Variants in SOX6 observed in about 807,000 individuals in gnomAD.
SOX6 encodes SRY-box transcription factor 6.
Under a neutral mutation model 97.8 loss-of-function variants are expected in SOX6, and 11 were observed. The ratio of observed to expected loss-of-function variants is 0.11; its 90% CI spans 0.07 to 0.19. The LOEUF is 0.19. Among genes scored for constraint, SOX6 ranks in the 10% least tolerant of loss-of-function variants. SOX6 has a pLI of 1.00. For missense variants in SOX6, 810 were observed against 1,039.5 expected (o/e 0.78, Z 3.04); for synonymous variants, 360 against 371.4 (o/e 0.97, Z 0.35).
In SOX6 at chr11:16,234,365, T is replaced by C. The variant is rs532318559; in HGVS notation, c.535+217A>G. 2.4e-3 allele frequency among the ~76,000 whole-genome samples: 370 copies of C among 152,330 alleles called. 13 individuals carry two copies. Among genetic ancestry groups the C allele is most frequent in the Admixed American group, 0.024 (366 of 15,288 alleles). ...ATGAGGCAGCATATCCTATAAGTTA[T>C]ATGTTTATAGACTAATACAAAAAGT... On this transcript the variant is annotated intron_variant, in intron 4 of 15. Transcript: ENST00000683767.
chr11:16,375,741 T>G (rs1857625371), intron 1 of SOX6, among the ~76,000 whole-genome samples: 1 of 152,120 alleles, frequency 6.6e-6, no homozygotes, highest in Non-Finnish European at 1.5e-5. Flanking sequence ...ACACGTATGT[T>G]TATTGCAGCA....
chr11:16,542,342 A>G (rs1861422012), intron 4 of SOX6, among the ~76,000 whole-genome samples: 1 of 152,186 alleles, frequency 6.6e-6, no homozygotes, highest in Non-Finnish European at 1.5e-5. Context: ...AAGGGATAGC[A>G]TTAGGAGAAA....
chr11:16,079,260 TG>T (rs1242794785), intron 9 of SOX6, among the ~76,000 whole-genome samples: 3 of 152,116 alleles, frequency 2.0e-5, no homozygotes, highest in Non-Finnish European at 2.9e-5. Context: ...AAGGCAAGCA[TG>T]GGTAACTGTG....
chr11:16,527,855 C>T (rs1184861824), intron 4 of SOX6, among the ~76,000 whole-genome samples: 1 of 152,088 alleles, frequency 6.6e-6, no homozygotes, highest in Non-Finnish European at 1.5e-5. Flanking sequence ...CGTTTCAAGC[C>T]ACTGGGACTT....
At chr11:16,729,932 T>G (rs1453251298) in intron 2 of SOX6, among the ~76,000 whole-genome samples, 25 of 151,170 alleles carry the variant, frequency 1.7e-4, no homozygotes, top group Non-Finnish European at 1.5e-5. Flanking sequence ...GAGTCTCTGA[T>G]AAAACAGATC....
intron 6 of SOX6, among the ~76,000 whole-genome samples, chr11:16,157,301 T>C (rs1466626284): frequency 6.6e-6 from 1 of 152,028 alleles, no homozygotes; most frequent in African/African-American, 2.4e-5. Context: ...GCCTCCTCTT[T>C]TGAGGGGGCT....
chr11:16,323,094 GA>G (rs1855974628), intron 2 of SOX6, among the ~76,000 whole-genome samples: 1 of 151,984 alleles, frequency 6.6e-6, no homozygotes, highest in Non-Finnish European at 1.5e-5. Context: ...ACCTAACAGT[GA>G]AGAAAATTTT....
intron 3 of SOX6, among the ~76,000 whole-genome samples, chr11:16,278,367 T>C (rs1854459023): frequency 6.6e-6 from 1 of 151,974 alleles, no homozygotes; most frequent in Admixed American, 6.6e-5. Flanking sequence ...GCCTAATGAG[T>C]TTATTATCCT....
chr11:16,599,286 G>T (rs1848243402), intron 4 of SOX6, among the ~76,000 whole-genome samples: 1 of 152,056 alleles, frequency 6.6e-6, no homozygotes, highest in Admixed American at 6.6e-5. Context: ...AATGTTCGTA[G>T]AAAGAGAGCA....
intron 15 of SOX6, among the ~76,000 whole-genome samples, chr11:15,981,349 G>T (rs1272472368): frequency 6.6e-6 from 1 of 152,058 alleles, no homozygotes; most frequent in African/African-American, 2.4e-5. Flanking sequence ...AGCTGGCCCT[G>T]ATAGAGCCCA....
intron 5 of SOX6, among the ~76,000 whole-genome samples, chr11:16,185,074 A>T (rs764052055): frequency 6.6e-6 from 1 of 152,290 alleles, no homozygotes; most frequent in Middle Eastern, 3.4e-3. Context: ...TGCAGGGGGT[A>T]GTGCCCAAAT....
intron 13 of SOX6, among the ~76,000 whole-genome samples, chr11:16,014,511 T>C (rs1002745295): frequency 1.3e-5 from 2 of 152,128 alleles, no homozygotes; most frequent in African/African-American, 4.8e-5. Flanking sequence ...TATACATGTA[T>C]CAAAATCACT....
chr11:16,430,120 C>T (rs1332879801), intron 1 of SOX6, among the ~76,000 whole-genome samples: 1 of 152,184 alleles, frequency 6.6e-6, no homozygotes, highest in Non-Finnish European at 1.5e-5. Flanking sequence ...AACACATGTT[C>T]CTTCCACCAT....
At chr11:16,366,630 A>G (rs914834645) in intron 1 of SOX6, among the ~76,000 whole-genome samples, 1 of 152,200 alleles carries the variant, frequency 6.6e-6, no homozygotes, top group Non-Finnish European at 1.5e-5. Flanking sequence ...TCCATAGCCT[A>G]TCATCACAAT....
intron 9 of SOX6, among the ~76,000 whole-genome samples, chr11:16,095,318 G>T (rs898568493): frequency 6.6e-6 from 1 of 151,726 alleles, no homozygotes; most frequent in Admixed American, 6.6e-5. Context: ...TAGAAGAAAA[G>T]GTCTTGGTTT....
intron 3 of SOX6, among the ~76,000 whole-genome samples, chr11:16,694,706 A>G (rs1325005435): frequency 6.6e-6 from 1 of 152,142 alleles, no homozygotes; most frequent in Non-Finnish European, 1.5e-5. Flanking sequence ...AAATGGATGG[A>G]CAAACATACC....
intron 3 of SOX6, among the ~76,000 whole-genome samples, chr11:16,641,308 C>T (rs11529139): frequency 0.27 from 40,724 of 151,964 alleles, 6,210 homozygotes; most frequent in East Asian, 0.53. Context: ...TTGCATTTGC[C>T]GAGGAGTGCT....
Position 15,966,858 on chromosome 11 carries a change from T to G in SOX6, c.*5951A>C, listed in dbSNP as rs2119714299. ...TACTGCACAACAAAATCCAAGAAGT[T>G]TGTGTATGCAACAAAGCTAAGAACA... On this transcript the variant is annotated 3_prime_UTR_variant, in exon 16 of 16. Coordinates refer to ENST00000683767, the MANE Select transcript of SOX6 (RefSeq NM_001367873.1). 1 of 152,336 alleles carries G rather than the reference T, an allele frequency of 6.6e-6. No homozygotes were observed. The highest frequency in any genetic ancestry group is 6.5e-5 in the Admixed American group (1 of 15,306). 9.4% of individuals were successfully genotyped at this position (152,336 alleles called of 1,614,324 possible). A position where few individuals can be genotyped will look rare whatever the true frequency, so the allele number is the denominator to read the frequency against.
At chr11:16,584,208 C>T (rs1184630486) in intron 4 of SOX6, among the ~76,000 whole-genome samples, 2 of 152,112 alleles carry the variant, frequency 1.3e-5, no homozygotes, top group Non-Finnish European at 2.9e-5. Context: ...TATTGTTGAT[C>T]CCTTAGCATG....
Sources: gnomAD v4.1 joint callset for allele counts (sites outside exome capture counted in the v4.1 genomes callset) on GRCh38, gnomAD v4.1.1 for gene constraint, MANE v1.5 for transcripts, NCBI Gene and HGNC (gene_info 2026-07-23, HGNC 2026-07-21) for gene names.